Variants in ZC3H3 observed in about 807,000 individuals in gnomAD.
The protein encoded by ZC3H3 is zinc finger CCCH-type containing 3.
Under a neutral mutation model 77.3 loss-of-function variants are expected in ZC3H3, and 36 were observed. That is an observed-to-expected ratio of 0.47 (90% CI 0.36 to 0.61). ZC3H3 has a LOEUF of 0.61. Ranked by LOEUF, ZC3H3 falls within the 20% of genes least tolerant of loss-of-function variation. ZC3H3 has a pLI of 0.00. For synonymous variants in ZC3H3, 626 were observed against 555.2 expected (o/e 1.13, Z -1.79); for missense variants, 1,331 against 1,312.2 (o/e 1.01, Z -0.22).
chr8:143,501,600 G>C (rs1821526781), intron 4 of ZC3H3, among the ~76,000 whole-genome samples: 1 of 152,110 alleles, frequency 6.6e-6, no homozygotes, highest in South Asian at 2.1e-4. Context: ...TTTACATAAG[G>C]ATTCATCCCA....
chr8:143,449,369 T>A (rs1157498708), intron 9 of ZC3H3, among the ~76,000 whole-genome samples: 2 of 152,234 alleles, frequency 1.3e-5, no homozygotes, highest in African/African-American at 4.8e-5. Context: ...CTCACACATA[T>A]GAGCACCGAA....
chr8:143,489,516 G>A (rs1028133351), intron 4 of ZC3H3, among the ~76,000 whole-genome samples: 1 of 152,188 alleles, frequency 6.6e-6, no homozygotes, highest in African/African-American at 2.4e-5. Context: ...GGGGCCAGGG[G>A]AGGAGCTGGC....
At chr8:143,515,250 G>A (rs1335912199) in intron 3 of ZC3H3, among the ~76,000 whole-genome samples, 3 of 152,250 alleles carry the variant, frequency 2.0e-5, no homozygotes, top group Admixed American at 2.0e-4. Context: ...ACCGAGCAGG[G>A]CAGGATGGAG....
At chr8:143,439,308 T>C (rs1819663855) in intron 11 of ZC3H3, among the ~76,000 whole-genome samples, 1 of 152,100 alleles carries the variant, frequency 6.6e-6, no homozygotes, top group Admixed American at 6.5e-5. Flanking sequence ...AGCGGAGCTG[T>C]TGCAGAAGGC....
At chr8:143,491,161 GCA>G (rs1821190923) in intron 4 of ZC3H3, among the ~76,000 whole-genome samples, 2 of 152,190 alleles carry the variant, frequency 1.3e-5, no homozygotes, top group Non-Finnish European at 2.9e-5. Context: ...GAGGGCCCAG[GCA>G]CAGGGGGCTC....
chr8:143,501,970 G>T (rs1467846956), intron 4 of ZC3H3, among the ~76,000 whole-genome samples: 1 of 152,256 alleles, frequency 6.6e-6, no homozygotes, highest in Non-Finnish European at 1.5e-5. Flanking sequence ...CTTCAGAGGT[G>T]ATGAGGTGAA....
intron 3 of ZC3H3, among the ~76,000 whole-genome samples, chr8:143,512,374 C>T (rs1034660451): frequency 2.6e-5 from 4 of 152,248 alleles, no homozygotes; most frequent in Admixed American, 6.5e-5. Flanking sequence ...CTCTGACTAA[C>T]GGCAGCTTGC....
At chr8:143,489,555 G>A (rs368422904) in intron 4 of ZC3H3, among the ~76,000 whole-genome samples, 32 of 152,288 alleles carry the variant, frequency 2.1e-4, no homozygotes, top group African/African-American at 6.3e-4. Context: ...GCAAGGGGGC[G>A]CCTTGCCCCT....
At chr8:143,455,614 A>G (rs1033211152) in intron 9 of ZC3H3, among the ~76,000 whole-genome samples, 1 of 152,156 alleles carries the variant, frequency 6.6e-6, no homozygotes, top group Non-Finnish European at 1.5e-5. Flanking sequence ...ATTAATGTTA[A>G]TTTTGCTGTC....
intron 4 of ZC3H3, among the ~76,000 whole-genome samples, chr8:143,483,271 G>C (rs1820957082): frequency 6.6e-6 from 1 of 152,264 alleles, no homozygotes; most frequent in South Asian, 2.1e-4. Flanking sequence ...TGCTGGCTCG[G>C]GAGGGCGAGC....
At position 143,441,109 on chromosome 8, in the gene ZC3H3, TTTC is replaced by T; in HGVS notation, c.2316_2318del (p.Lys773del). ...CAAAGTCGGGGCACAGCAGCGTGTG[TTTC>T]TTCTTGCACTGCAGAGAGAAGGGGT... On this transcript the variant is annotated inframe_deletion, in exon 10 of 12. Coordinates refer to ENST00000262577, the MANE Select transcript of ZC3H3 (RefSeq NM_015117.3). 1 of 1,442,968 alleles carries T rather than the reference TTTC, an allele frequency of 6.9e-7. No individual in the cohort carries two copies. Among genetic ancestry groups the T allele is most frequent in the Non-Finnish European group, 9.0e-7 (1 of 1,109,016 alleles). The allele number at this position is 1,442,968 out of a possible 1,614,324, so 89.4% of individuals were successfully genotyped here.
intron 3 of ZC3H3, among the ~76,000 whole-genome samples, chr8:143,525,842 T>C (rs1357441797): frequency 1.3e-5 from 2 of 152,240 alleles, no homozygotes; most frequent in East Asian, 1.9e-4. Context: ...GGCCAGGCCA[T>C]GGAGGCGGGC....
intron 1 of ZC3H3, 146 bp downstream of exon 1, chr8:143,541,230 G>A: frequency 2.7e-6 from 4 of 1,470,510 alleles, no homozygotes; most frequent in Middle Eastern, 2.4e-4. Flanking sequence ...CGGCCCACAA[G>A]TCCTGGCGGA....
At chr8:143,448,780 C>T (rs1424954830) in intron 9 of ZC3H3, among the ~76,000 whole-genome samples, 2 of 152,232 alleles carry the variant, frequency 1.3e-5, no homozygotes, top group Non-Finnish European at 2.9e-5. Context: ...CGTGGGGGCT[C>T]CAATGCCACA....
intron 3 of ZC3H3, among the ~76,000 whole-genome samples, chr8:143,514,076 G>A (rs983323077): frequency 2.0e-5 from 3 of 152,146 alleles, no homozygotes; most frequent in African/African-American, 4.8e-5. Context: ...ACTTCCACAC[G>A]CTAGGTCCTG....
chr8:143,471,298 C>A (rs917702086), intron 5 of ZC3H3, among the ~76,000 whole-genome samples: 3 of 152,228 alleles, frequency 2.0e-5, no homozygotes, highest in South Asian at 4.1e-4. Context: ...AGGCAGCCAG[C>A]GGCAGAGGGT....
chr8:143,515,441 G>A (rs1014887440), intron 3 of ZC3H3, among the ~76,000 whole-genome samples: 7 of 152,278 alleles, frequency 4.6e-5, no homozygotes, highest in African/African-American at 1.7e-4. Flanking sequence ...GGCACTGGCA[G>A]GCTGTGGGGA....
chr8:143,498,542 C>A (rs1419720657), intron 4 of ZC3H3, among the ~76,000 whole-genome samples: 1 of 151,366 alleles, frequency 6.6e-6, no homozygotes, highest in Admixed American at 6.6e-5. Flanking sequence ...CTAGGACATA[C>A]AAGTAGGCAG....
chr8:143,511,550 A>C (rs1303544800), intron 3 of ZC3H3, among the ~76,000 whole-genome samples: 1 of 152,230 alleles, frequency 6.6e-6, no homozygotes, highest in Non-Finnish European at 1.5e-5. Flanking sequence ...TTCACTGTCC[A>C]GCCCACCAGG....
Sources: gnomAD v4.1 joint callset for allele counts (sites outside exome capture counted in the v4.1 genomes callset) on GRCh38, gnomAD v4.1.1 for gene constraint, MANE v1.5 for transcripts, NCBI Gene and HGNC (gene_info 2026-07-23, HGNC 2026-07-21) for gene names.